KRIT1: variants seen among roughly 807,000 people sequenced by gnomAD.
KRIT1 encodes krev interaction trapped protein 1.
A neutral mutation model predicts 95.8 loss-of-function variants in KRIT1; 45 were observed. That is an observed-to-expected ratio of 0.47 (90% CI 0.37 to 0.60). KRIT1 has a LOEUF of 0.60. Ranked by LOEUF, KRIT1 falls within the 20% of genes least tolerant of loss-of-function variation. The pLI, the probability that KRIT1 is intolerant of heterozygous loss-of-function variation, is 0.00. For synonymous variants in KRIT1, 282 were observed against 278.8 expected (o/e 1.01, Z -0.11); for missense variants, 788 against 877.5 (o/e 0.90, Z 1.29).
At chr7:92,229,253 T>A (rs1032964104) in intron 10 of KRIT1, among the ~76,000 whole-genome samples, 1 of 152,210 alleles carries the variant, frequency 6.6e-6, no homozygotes, top group East Asian at 1.9e-4. Context: ...CAGTATCTGT[T>A]ATTTTTATGA....
chr7:92,207,694 T>C (rs1253721585), intron 17 of KRIT1, among the ~76,000 whole-genome samples: 2 of 152,030 alleles, frequency 1.3e-5, no homozygotes, highest in African/African-American at 2.4e-5. Context: ...TCGTCTCTAC[T>C]AAAAATACAA....
chr7:92,201,325 A>G lies in KRIT1; in HGVS notation c.2124T>C (p.Phe708=). ...QIHSMENKMS[F]IVHTKQAGLV... The stretch of plus-strand genomic sequence containing the variant: ...TACTTACCTGTTTTGTATGTACTAT[A>G]AAGCTCATTTTATTTTCCATGCTAT... Residue 708 remains phenylalanine (F), a synonymous_variant, in exon 18 of 19, where the codon TTT becomes TTC. Coordinates refer to ENST00000394505, the MANE Select transcript of KRIT1 (RefSeq NM_194454.3). The G allele has an allele frequency of 6.6e-7, 1 of 1,507,352 alleles. No individual in the cohort carries two copies. Among genetic ancestry groups the G allele is most frequent in the Non-Finnish European group, 9.2e-7 (1 of 1,083,086 alleles). The allele number at this position is 1,507,352 out of a possible 1,614,324, so 93.4% of individuals were successfully genotyped here. A position where few individuals can be genotyped will look rare whatever the true frequency, so the allele number is the denominator to read the frequency against.
intron 2 of KRIT1, among the ~76,000 whole-genome samples, chr7:92,244,393 G>A (rs1800386372): frequency 6.6e-6 from 1 of 152,154 alleles, no homozygotes; most frequent in Non-Finnish European, 1.5e-5. Flanking sequence ...ATACTGCACA[G>A]AAGCCTGAAC....
In KRIT1 at chr7:92,236,348, C is replaced by T. The variant is rs17164451; in HGVS notation, c.485+65G>A. 11 of 1,091,528 alleles carry T rather than the reference C, an allele frequency of 1.0e-5. No homozygotes were observed. In the Admixed American group the frequency reaches 1.4e-4, roughly 14 times the overall value. The allele number at this position is 1,091,528 out of a possible 1,614,324, so 67.6% of individuals were successfully genotyped here. ...CTTCTCAAAGTGTCTGTATCTATGA[C>T]AACTAATTTCTACTATAAACATGTA... On this transcript the variant is annotated intron_variant, in intron 7 of 18. Transcript: ENST00000394505.
rs999715737 is a variant in KRIT1, at chr7:92,236,670, T to C, written c.356-128A>G. 12 of 679,946 alleles carry C rather than the reference T, an allele frequency of 1.8e-5. No homozygotes were observed. The Admixed American group carries it at 2.1e-4, about 12-fold the overall frequency. The allele number at this position is 679,946 out of a possible 1,614,324, so 42.1% of individuals were successfully genotyped here. ...AAATAAATTGTTCTAGATTTGGAAT[T>C]AGAAGGCCTGGATTCAAGTGATGAC... On this transcript the variant is annotated intron_variant, in intron 6 of 18. Transcript: ENST00000394505.
chr7:92,215,433 T>C (rs959996101), intron 14 of KRIT1, among the ~76,000 whole-genome samples: 3 of 152,216 alleles, frequency 2.0e-5, no homozygotes, highest in African/African-American at 4.8e-5. Context: ...AAAAAGACTT[T>C]GCACTTTCAA....
At chr7:92,207,527 C>CA (rs1368021017) in intron 17 of KRIT1, among the ~76,000 whole-genome samples, 1 of 152,004 alleles carries the variant, frequency 6.6e-6, no homozygotes, top group African/African-American at 2.4e-5. Context: ...AATAAATTAA[C>CA]AAAAAAACAC....
At position 92,200,003 on chromosome 7, in the gene KRIT1, G is replaced by C. The variant is rs534272980; in HGVS notation, c.*733C>G. ...CTGCAGAAAACTGTTTTAAATAACA[G>C]TGTTATGTGGTTCAAGTAGAAAATA... On this transcript the variant is annotated 3_prime_UTR_variant, in exon 19 of 19. Coordinates refer to ENST00000394505, the MANE Select transcript of KRIT1 (RefSeq NM_194454.3). 1 of 152,508 alleles carries C rather than the reference G, an allele frequency of 6.6e-6. No homozygotes were observed. The highest frequency in any genetic ancestry group is 1.5e-5 in the Non-Finnish European group (1 of 68,060). The allele number at this position is 152,508 out of a possible 1,614,324, so 9.4% of individuals were successfully genotyped here.
intron 10 of KRIT1, among the ~76,000 whole-genome samples, chr7:92,229,518 G>A (rs555015551): frequency 2.0e-4 from 30 of 152,198 alleles, no homozygotes; most frequent in African/African-American, 7.0e-4. Flanking sequence ...AGACATACAA[G>A]CAGCCAAGAG....
Position 92,242,071 on chromosome 7 carries a change from C to A in KRIT1, c.65G>T (p.Ser22Ile). ...VAVIRPKNTASLNSREYRAKS... is the reference protein window; with the variant it reads ...VAVIRPKNTAILNSREYRAKS... ...AGCTCTGTATTCCCGAGAATTGAGA[C>A]TGGCAGTATTCTTTGGACGAATAAC... is the stretch of plus-strand genomic sequence containing the variant. The change falls in exon 4 of 19, where the codon AGT becomes ATT. Residue 22 changes from serine (S) to isoleucine (I), a missense_variant. Physicochemically the swap from Ser to Ile is moderately radical, Grantham distance 142. Around this residue, in one of 3 missense-constraint regions of KRIT1, gnomAD observed 289 missense variants for 277.5 expected, o/e 1.04. Coordinates refer to ENST00000394505, the MANE Select transcript of KRIT1 (RefSeq NM_194454.3). 1 of 1,595,936 alleles carries A rather than the reference C, an allele frequency of 6.3e-7. No individual in the cohort carries two copies. Among genetic ancestry groups the A allele is most frequent in the East Asian group, 2.2e-5 (1 of 44,694 alleles).
intron 17 of KRIT1, among the ~76,000 whole-genome samples, chr7:92,207,148 G>A (rs1428490677): frequency 6.6e-6 from 1 of 152,010 alleles, no homozygotes; most frequent in Non-Finnish European, 1.5e-5. Flanking sequence ...CAAGATACAG[G>A]AAGCTCAAAG....
At chr7:92,227,981 C>A (rs1000449073) in intron 10 of KRIT1, among the ~76,000 whole-genome samples, 1 of 151,944 alleles carries the variant, frequency 6.6e-6, no homozygotes, top group Non-Finnish European at 1.5e-5. Flanking sequence ...CCATTGCACT[C>A]GAGGCTGGGT....
At chr7:92,228,759 G>A (rs558463568) in intron 10 of KRIT1, among the ~76,000 whole-genome samples, 28 of 152,036 alleles carry the variant, frequency 1.8e-4, no homozygotes, top group African/African-American at 6.8e-4. Context: ...CACCCTCAAG[G>A]AGGCCCCAGT....
At chr7:92,227,343 T>C (rs1796402658) in intron 10 of KRIT1, among the ~76,000 whole-genome samples, 1 of 152,104 alleles carries the variant, frequency 6.6e-6, no homozygotes, top group African/African-American at 2.4e-5. Flanking sequence ...GGCAGGCGGA[T>C]CACAAGGTCA....
chr7:92,224,115 G>A (rs771867212), intron 12 of KRIT1, among the ~76,000 whole-genome samples: 9 of 152,134 alleles, frequency 5.9e-5, no homozygotes, highest in Non-Finnish European at 1.2e-4. Flanking sequence ...TAACATTAAA[G>A]GCAGAGACCA....
rs907737874 is a variant in KRIT1 at position 92,217,344 on chromosome 7, C to T, written c.1564-2567G>A. ...TCAGTGGCATTAATTATGTTCACAA[C>T]ATTGTGCTACCATCACTACTATCTA... On this transcript the variant is annotated intron_variant, in intron 14 of 18. Coordinates refer to ENST00000394505, the MANE Select transcript of KRIT1 (RefSeq NM_194454.3). Among the ~76,000 whole-genome samples, 17 of 152,298 alleles carry T rather than the reference C, an allele frequency of 1.1e-4. 1 individual carries two copies. The highest frequency in any genetic ancestry group is 3.6e-4 in the African/African-American group (15 of 41,564).
rs201207694 is a variant in KRIT1 at position 92,213,206 on chromosome 7, T to C, written c.2014A>G (p.Met672Val). The change falls in exon 17 of 19, where the codon ATG (methionine) becomes GTG (valine). Residue 672 changes from methionine (M) to valine (V), a missense_variant. Around this residue, in one of 3 missense-constraint regions of KRIT1, gnomAD observed 493 missense variants for 582.3 expected, o/e 0.85. Coordinates refer to ENST00000394505, the MANE Select transcript of KRIT1 (RefSeq NM_194454.3). Reference protein sequence around the residue: ...VNIKGLHLLNMETKALLISLK... With the variant: ...VNIKGLHLLNVETKALLISLK... ...AGCTGAAAATCTACCTTAGTTTCCA[T>C]GTTGAGGAGATGAAGTCCTTTTATA... 19 of 1,607,894 alleles carry C rather than the reference T, an allele frequency of 1.2e-5. No homozygotes were observed. The highest frequency in any genetic ancestry group is 1.4e-5 in the Non-Finnish European group (16 of 1,174,584).
rs1235981332 is a variant in KRIT1, at chr7:92,245,111, C to G, written c.-360G>C. The stretch of plus-strand genomic sequence containing the variant: ...AGGCTGAGATCCTGAGTTGGACCAC[C>G]GAGATGAAAGACTTCTGGTGAGGCT... On this transcript the variant is annotated 5_prime_UTR_variant, in exon 2 of 19. Coordinates refer to ENST00000394505, the MANE Select transcript of KRIT1 (RefSeq NM_194454.3). 6 of 151,944 alleles carry G rather than the reference C, an allele frequency of 3.9e-5. No homozygotes were observed. The highest frequency in any genetic ancestry group is 1.2e-4 in the African/African-American group (5 of 41,292). 9.4% of individuals were successfully genotyped at this position (151,944 alleles called of 1,614,324 possible).
intron 14 of KRIT1, among the ~76,000 whole-genome samples, chr7:92,218,532 C>T (rs1794468024): frequency 6.6e-6 from 1 of 152,046 alleles, no homozygotes; most frequent in African/African-American, 2.4e-5. Context: ...GTGTGTGCCA[C>T]CATGCCTGGC....
Sources: gnomAD v4.1 joint callset for allele counts (sites outside exome capture counted in the v4.1 genomes callset) on GRCh38, gnomAD v4.1.1 for gene constraint, gnomAD v4.1.1 regional missense constraint, MANE v1.5 for transcripts, NCBI Gene and HGNC (gene_info 2026-07-23, HGNC 2026-07-21) for gene names.